The following PPEF2 variants were observed in gnomAD, a reference collection of about 807,000 sequenced individuals.
PPEF2 encodes protein phosphatase with EF-hand domain 2.
In PPEF2, 84 loss-of-function variants were observed where a neutral mutation model predicts 84.7. The observed-to-expected ratio is 0.99, with a 90% confidence interval of 0.83 to 1.19. PPEF2 has a LOEUF of 1.19. PPEF2 is among the 50% of genes most tolerant of loss of function. PPEF2 has a pLI of 0.00. For synonymous variants in PPEF2, 346 were observed against 345.2 expected (o/e 1.00, Z -0.03); for missense variants, 924 against 937.5 (o/e 0.99, Z 0.19).
In PPEF2 at chr4:75,860,585, A is replaced by G. The variant is rs114910144; in HGVS notation, c.*82T>C. ...AGGTAAATTTTCAGCATAAAGTTTC[A>G]CATGGAGAATAAGGGAGATAGTCTA... is the stretch of plus-strand genomic sequence containing the variant. On this transcript the variant is annotated 3_prime_UTR_variant, in exon 17 of 17. Transcript: ENST00000286719. 1.4e-4 allele frequency: 211 copies of G among 1,533,852 alleles called. No homozygotes were observed. The African/African-American group carries it at 2.7e-3, about 20-fold the overall frequency.
rs1174702477 is a variant in PPEF2 at position 75,866,225 on chromosome 4, C to T, written c.1884G>A (p.Trp628Ter). Residue 628 changes from tryptophan (W) to a stop codon, truncating the protein, a stop_gained, in exon 15 of 17, where the codon TGG (tryptophan) becomes TGA (stop). Transcript: ENST00000286719. LOFTEE classifies it high-confidence loss of function. ...SADNMLEYKS[W>*]LKNLAKEQLS... ...GTTGTTCCTTGGCCAAGTTCTTCAG[C>T]CAAGACTTGTACTCCAGCATGTTGT... 8 of 1,613,884 alleles carry T rather than the reference C, an allele frequency of 5.0e-6. No homozygotes were observed. The highest frequency in any genetic ancestry group is 6.8e-6 in the Non-Finnish European group (8 of 1,179,880).
intron 2 of PPEF2, 100 bp from the exon 3 acceptor site, chr4:75,892,078 A>G: frequency 6.9e-7 from 1 of 1,457,724 alleles, no homozygotes; most frequent in South Asian, 1.3e-5. Context: ...CCCACTGTAT[A>G]TGTGAGGACA....
At chr4:75,871,940 T>G in intron 13 of PPEF2, 85 bp downstream of exon 13, 1 of 1,390,656 alleles carries the variant, frequency 7.2e-7, no homozygotes. Context: ...AGAATTTGAA[T>G]AAATATAACG....
chr4:75,882,958 G>A lies in PPEF2; in HGVS notation c.901C>T (p.Leu301=), dbSNP rs543221762. The A allele has an allele frequency of 6.2e-7, 1 of 1,614,024 alleles. No homozygotes were observed. The highest frequency in any genetic ancestry group is 1.3e-5 in the African/African-American group (1 of 75,014). Residue 301 remains leucine, a synonymous_variant, in exon 10 of 17, where the codon CTG becomes TTG. Transcript: ENST00000286719. ...LHGGVSDITD[L]ELLDKIERSK... is the part of the protein sequence containing the mutation. ...CTCTCTATTTTGTCCAAAAGCTCCA[G>A]ATCAGTTATGTCTGACACCCCACCA...
At chr4:75,873,068 A>G (rs1724321427) in intron 12 of PPEF2, 59 bp downstream of exon 12, 2 of 1,492,220 alleles carry the variant, frequency 1.3e-6, no homozygotes, top group African/African-American at 1.4e-5. Flanking sequence ...TCCAGGCCTG[A>G]GCCCTTCGGA....
Position 75,896,979 on chromosome 4 carries a change from G to T in PPEF2, c.-58-596C>A, listed in dbSNP as rs984059729. ...GGCTCCCTGCGAGCTCCGCCTCCTG[G>T]GTTCACGCCATTCTCACCCCCTCAG... On this transcript the variant is annotated intron_variant, in intron 1 of 16. Transcript: ENST00000286719. Among the ~76,000 whole-genome samples, 10 of 151,986 alleles carry T rather than the reference G, an allele frequency of 6.6e-5. 1 individual carries two copies. Among genetic ancestry groups the T allele is most frequent in the African/African-American group, 2.4e-4 (10 of 41,394 alleles).
chr4:75,883,180 T>A lies in PPEF2; in HGVS notation c.769A>T (p.Met257Leu), dbSNP rs1227834606. ...NLRYGFTKEV[M>L]NKYKVHGKEI... Reference sequence around the variant, plus strand: ...AGGCAGCGCACCTTGTATTTATTCATCACTTCCTTGGTGAAGCCATATCTA... The same window carrying A: ...AGGCAGCGCACCTTGTATTTATTCAACACTTCCTTGGTGAAGCCATATCTA... Residue 257 changes from methionine to leucine, a missense_variant, in exon 9 of 17, where the codon ATG becomes TTG. Met to Leu is a conservative substitution (Grantham distance 15, BLOSUM62 2). Transcript: ENST00000286719. 1.2e-6 allele frequency: 2 copies of A among 1,613,784 alleles called. No homozygotes were observed. The highest frequency in any genetic ancestry group is 1.7e-6 in the Non-Finnish European group (2 of 1,179,846).
At chr4:75,877,712 T>C (rs1246708877) in intron 10 of PPEF2, among the ~76,000 whole-genome samples, 3 of 152,022 alleles carry the variant, frequency 2.0e-5, no homozygotes, top group African/African-American at 7.2e-5. Context: ...TGGGGGTATA[T>C]GCGAAGGTTT....
chr4:75,888,150 C>G lies in PPEF2; in HGVS notation c.532+64G>C. 15 of 1,274,968 alleles carry G rather than the reference C, an allele frequency of 1.2e-5. 1 individual carries two copies. The South Asian group carries it at 1.8e-4, about 15-fold the overall frequency. The allele number at this position is 1,274,968 out of a possible 1,614,324, so 79.0% of individuals were successfully genotyped here. Reference sequence around the variant, plus strand: ...TGCAGCCCGCCACTCCTCTTGCATCCCCACACAGGTAGAGCATTCTTCTTT... The same window carrying G: ...TGCAGCCCGCCACTCCTCTTGCATCGCCACACAGGTAGAGCATTCTTCTTT... On this transcript the variant is annotated intron_variant, in intron 6 of 16. Coordinates refer to ENST00000286719, the MANE Select transcript of PPEF2 (RefSeq NM_006239.3).
chr4:75,887,925 G>C lies in PPEF2; in HGVS notation c.532+289C>G, dbSNP rs575781379. ...ACCATCTTCTAACAAGGAGGGTCTG[G>C]TTATTTGCAGAGATTTTGTTTTGAA... On this transcript the variant is annotated intron_variant, in intron 6 of 16. Transcript: ENST00000286719. Among the ~76,000 whole-genome samples, 37 of 152,278 alleles carry C rather than the reference G, an allele frequency of 2.4e-4. No homozygotes were observed. The South Asian group carries it at 4.6e-3, about 19-fold the overall frequency.
chr4:75,896,181 T>TC, intron 2 of PPEF2, 90 bp downstream of exon 2: 1 of 1,440,760 alleles, frequency 6.9e-7, no homozygotes, highest in South Asian at 1.1e-5. Flanking sequence ...TAAGGGTTTT[T>TC]CTGCTTCTAC....
chr4:75,897,020 T>C (rs925238654), intron 1 of PPEF2, among the ~76,000 whole-genome samples: 2 of 151,980 alleles, frequency 1.3e-5, no homozygotes, highest in Non-Finnish European at 2.9e-5. Context: ...CGGTTAATTT[T>C]GTTTTTGCAT....
intron 2 of PPEF2, among the ~76,000 whole-genome samples, chr4:75,892,803 G>A (rs932519506): frequency 1.3e-5 from 2 of 152,180 alleles, no homozygotes; most frequent in Admixed American, 6.6e-5. Context: ...ATTGTTGCCA[G>A]AGAAGGGAAC....
intron 12 of PPEF2, among the ~76,000 whole-genome samples, chr4:75,872,610 A>G (rs1450434069): frequency 1.3e-5 from 2 of 152,128 alleles, no homozygotes; most frequent in African/African-American, 4.8e-5. Flanking sequence ...TTCACAGTCA[A>G]TACGTTGGGA....
chr4:75,887,479 G>T (rs1724757677), intron 6 of PPEF2, among the ~76,000 whole-genome samples: 1 of 152,122 alleles, frequency 6.6e-6, no homozygotes, highest in Non-Finnish European at 1.5e-5. Context: ...AAATTAGCCG[G>T]GCGTGGTGGC....
chr4:75,899,463 A>G lies in PPEF2; in HGVS notation c.-59+2767T>C, dbSNP rs371259446. ...TTCTCTAGTTCTTCTTCAGGAGGTA[A>G]TGTGAGATGTACTGACTTAACATCA... On this transcript the variant is annotated intron_variant, in intron 1 of 16. Coordinates refer to ENST00000286719, the MANE Select transcript of PPEF2 (RefSeq NM_006239.3). Among the ~76,000 whole-genome samples the G allele has an allele frequency of 1.1e-3, 170 of 152,270 alleles. 1 individual carries two copies. The highest frequency in any genetic ancestry group is 3.9e-3 in the African/African-American group (164 of 41,552).
chr4:75,889,820 A>G, intron 5 of PPEF2, 137 bp downstream of exon 5: 1 of 953,998 alleles, frequency 1.0e-6, no homozygotes, highest in South Asian at 1.6e-5. Context: ...GGCTAAGCAC[A>G]GCAGGGGTAG....
chr4:75,878,366 C>A (rs1046058194), intron 10 of PPEF2, among the ~76,000 whole-genome samples: 1 of 152,130 alleles, frequency 6.6e-6, no homozygotes, highest in African/African-American at 2.4e-5. Context: ...TATGGTGAAC[C>A]CCGAGGGGGA....
chr4:75,894,454 A>G (rs1170185244), intron 2 of PPEF2, among the ~76,000 whole-genome samples: 1 of 152,256 alleles, frequency 6.6e-6, no homozygotes, highest in Non-Finnish European at 1.5e-5. Flanking sequence ...ACACATTAAG[A>G]AAAGCTGCAT....
Sources: allele counts gnomAD v4.1 joint callset (sites outside exome capture counted in the v4.1 genomes callset), GRCh38; gene constraint gnomAD v4.1.1; transcripts MANE v1.5; gene names NCBI Gene and HGNC (gene_info 2026-07-23, HGNC 2026-07-21).